SMUG1: variants seen among roughly 807,000 people sequenced by gnomAD.
SMUG1 encodes the protein single-strand-selective monofunctional uracil-DNA glycosylase 1, also known as single-strand selective monofunctional uracil DNA glycosylase.
Under a neutral mutation model 23.9 loss-of-function variants are expected in SMUG1, and 13 were observed. That is an observed-to-expected ratio of 0.54 (90% CI 0.35 to 0.86). SMUG1 has a LOEUF of 0.86. Ranked by LOEUF, SMUG1 falls within the 40% of genes least tolerant of loss-of-function variation. The probability of loss-of-function intolerance (pLI) is 0.01; values close to 1 mark genes in which losing one functional copy is unlikely to be tolerated. For synonymous variants in SMUG1, 133 were observed against 139.8 expected (o/e 0.95, Z 0.34); for missense variants, 313 against 339.5 (o/e 0.92, Z 0.61).
chr12:54,178,331 C>G (rs1255998385), downstream of SMUG1, among the ~76,000 whole-genome samples: 1 of 152,162 alleles, frequency 6.6e-6, no homozygotes, highest in Non-Finnish European at 1.5e-5. Flanking sequence ...AAAGCAACAG[C>G]CCCACTAGGA....
At chr12:54,172,560 G>C (rs1940649395) in intron 2 of SMUG1, 1 of 160,698 alleles carries the variant, frequency 6.2e-6, no homozygotes, top group African/African-American at 2.4e-5. Flanking sequence ...AGCTCAGGTG[G>C]GGGGTCTCCT....
downstream of SMUG1, chr12:54,161,917 A>T (rs1940279037): frequency 6.6e-6 from 1 of 152,484 alleles, no homozygotes; most frequent in South Asian, 2.1e-4. This position sits in a 1 kb window ranked among gnomAD's most constrained non-coding sequence, Gnocchi z 4.2. Flanking sequence ...GCATAAGAAC[A>T]AAATGGCACA....
intron 2 of SMUG1, among the ~76,000 whole-genome samples, chr12:54,174,366 C>A (rs1940702811): frequency 6.6e-6 from 1 of 152,050 alleles, no homozygotes; most frequent in African/African-American, 2.4e-5. Context: ...AAAAACTGAA[C>A]AAAAAAACAA....
intron 3 of SMUG1, among the ~76,000 whole-genome samples, chr12:54,166,141 T>C (rs980387862): frequency 6.6e-6 from 1 of 152,158 alleles, no homozygotes; most frequent in Non-Finnish European, 1.5e-5. Flanking sequence ...GGTGGGTGGA[T>C]CATGAGGTCA....
At chr12:54,161,800 G>C (rs1940273016), downstream of SMUG1, among the ~76,000 whole-genome samples, 2 of 152,200 alleles carry the variant, frequency 1.3e-5, no homozygotes, top group Non-Finnish European at 2.9e-5. The surrounding 1 kb of genome is among the most constrained non-coding windows in gnomAD (Gnocchi z 4.2). Flanking sequence ...GAGGCAGAAA[G>C]TCCCCTGTCA....
chr12:54,176,536 G>A (rs1327921142), downstream of SMUG1, among the ~76,000 whole-genome samples: 1 of 128,850 alleles, frequency 7.8e-6, no homozygotes, highest in Non-Finnish European at 1.6e-5. Context: ...GCCGGGCACG[G>A]TGGCTCATGC....
At chr12:54,168,388 T>C (rs1940539087) in intron 3 of SMUG1, 1 of 152,206 alleles carries the variant, frequency 6.6e-6, no homozygotes, top group Admixed American at 6.5e-5. Context: ...CCTGGAAGCG[T>C]GGTACCAATG....
In SMUG1 at chr12:54,187,820, T is replaced by C. The variant is rs1942820085; in HGVS notation, c.-21A>G. On this transcript the variant is annotated splice_region_variant and 5_prime_UTR_variant, in exon 2 of 4. The change abolishes an upstream ATG in the 5' untranslated region. Coordinates refer to ENST00000682136, the MANE Select transcript of SMUG1 (RefSeq NM_001243787.2). ...TTTCAATACTTATGAGTCTCTTACATGACAGGCACTGCAGCAGTCTCTTGA... is the reference window on the plus strand; with the variant it reads ...TTTCAATACTTATGAGTCTCTTACACGACAGGCACTGCAGCAGTCTCTTGA... 1 of 151,920 alleles carries C rather than the reference T, an allele frequency of 6.6e-6. No individual in the cohort carries two copies. The highest frequency in any genetic ancestry group is 1.5e-5 in the Non-Finnish European group (1 of 68,010). The allele number at this position is 151,920 out of a possible 1,614,324, so 9.4% of individuals were successfully genotyped here.
intron 2 of SMUG1, among the ~76,000 whole-genome samples, chr12:54,174,814 C>T (rs1303047217): frequency 1.3e-5 from 2 of 152,210 alleles, no homozygotes; most frequent in Non-Finnish European, 2.9e-5. Context: ...ACAAGATGTA[C>T]AGGAAAATTC....
chr12:54,160,591 A>G (rs903298574), downstream of SMUG1, among the ~76,000 whole-genome samples: 5 of 152,084 alleles, frequency 3.3e-5, no homozygotes, highest in African/African-American at 9.7e-5. Flanking sequence ...GGCCAACCAC[A>G]CACCCCACCC....
At chr12:54,171,558 C>T (rs922145889) in intron 3 of SMUG1, among the ~76,000 whole-genome samples, 15 of 151,740 alleles carry the variant, frequency 9.9e-5, no homozygotes, top group South Asian at 6.3e-4. Context: ...GACGTGGCAG[C>T]GCGTGCCTGT....
chr12:54,166,221 C>T (rs1338599266), intron 3 of SMUG1, among the ~76,000 whole-genome samples: 4 of 152,046 alleles, frequency 2.6e-5, no homozygotes, highest in Admixed American at 6.6e-5. Context: ...ATTATCTGGA[C>T]GTGGTGGCGG....
intron 2 of SMUG1, among the ~76,000 whole-genome samples, chr12:54,186,355 T>G (rs529594390): frequency 9.9e-4 from 147 of 149,074 alleles, no homozygotes; most frequent in South Asian, 1.5e-3. Flanking sequence ...GTTTTGTTTT[T>G]TTTTTGAGAC....
At chr12:54,165,200 C>T (rs1290165221) in intron 4 of SMUG1, among the ~76,000 whole-genome samples, 3 of 152,222 alleles carry the variant, frequency 2.0e-5, no homozygotes, top group Non-Finnish European at 4.4e-5. Flanking sequence ...GGCAACCCCT[C>T]CAACCACCAG....
At chr12:54,173,390 G>A (rs972986528) in intron 2 of SMUG1, among the ~76,000 whole-genome samples, 2 of 152,220 alleles carry the variant, frequency 1.3e-5, no homozygotes, top group African/African-American at 4.8e-5. Context: ...AGGCTGCAGA[G>A]AGGGCGAGGG....
At position 54,182,239 on chromosome 12, in the gene SMUG1, C is replaced by T. The variant is rs748009506; in HGVS notation, c.670G>A (p.Ala224Thr). The change falls in exon 4 of 4, where the codon GCT (alanine) becomes ACT (threonine). Residue 224 changes from alanine (A) to threonine (T), a missense_variant. Coordinates refer to ENST00000682136, the MANE Select transcript of SMUG1 (RefSeq NM_001243787.2). ...ACCTCTGGCATCAGGCCTGCCAGAG[C>T]CCGTCGTGCCCGCTGCTCTGCCAGT... Reference protein sequence around the residue: ...GRLAEQRARRALAGLMPEVQV... With the variant: ...GRLAEQRARRTLAGLMPEVQV... 2 of 1,611,792 alleles carry T rather than the reference C, an allele frequency of 1.2e-6. No homozygotes were observed. Among genetic ancestry groups the T allele is most frequent in the South Asian group, 1.1e-5 (1 of 90,850 alleles).
chr12:54,176,507 T>TCCCCG (rs1555199082), downstream of SMUG1, among the ~76,000 whole-genome samples: 6 of 64,474 alleles, frequency 9.3e-5, 1 homozygote, highest in South Asian at 1.4e-3. Context: ...GAAGATCCTG[T>TCCCCG]CCCCCCCCAA....
Position 54,183,641 on chromosome 12 carries a change from A to G in SMUG1, c.285+15T>C. 6.2e-7 allele frequency: 1 copy of G among 1,613,612 alleles called. No individual in the cohort carries two copies. The highest frequency in any genetic ancestry group is 8.5e-7 in the Non-Finnish European group (1 of 1,179,674). ...AACCCCCCACTCCACCCACTGGGGA[A>G]GCCAAACCCTTTACCCCAGTCTGGG... On this transcript the variant is annotated intron_variant, in intron 3 of 3. Transcript: ENST00000682136.
rs201341981 is a variant in SMUG1 at position 54,182,598 on chromosome 12, A to G, written c.311T>C (p.Val104Ala). The change falls in exon 4 of 4, where the codon GTC (valine) becomes GCC (alanine). Residue 104 changes from valine (V) to alanine (A), a missense_variant. Transcript: ENST00000682136. ...TGVPFGEVSMVRDWLGIVGPV... is the reference protein window; with the variant it reads ...TGVPFGEVSMARDWLGIVGPV... Reference sequence around the variant, plus strand: ...CCCCACAATGCCCAACCAGTCCCGGACCATGCTTACTTCCCCAAAGGGCAC... The same window carrying G: ...CCCCACAATGCCCAACCAGTCCCGGGCCATGCTTACTTCCCCAAAGGGCAC... 6.2e-7 allele frequency: 1 copy of G among 1,611,438 alleles called. No individual in the cohort carries two copies. The highest frequency in any genetic ancestry group is 2.2e-5 in the East Asian group (1 of 44,808).
Sources: gnomAD v4.1 joint callset for allele counts (sites outside exome capture counted in the v4.1 genomes callset) on GRCh38, gnomAD v4.1.1 for gene constraint, Gnocchi (gnomAD v3.1) non-coding constraint, MANE v1.5 for transcripts, NCBI Gene and HGNC (gene_info 2026-07-23, HGNC 2026-07-21) for gene names.